ANTXR2: variants seen among roughly 807,000 people sequenced by gnomAD.
ANTXR2 encodes anthrax toxin receptor 2.
Under a neutral mutation model 73.7 loss-of-function variants are expected in ANTXR2, and 44 were observed. That is an observed-to-expected ratio of 0.60 (90% CI 0.47 to 0.77). The LOEUF is 0.77. Among genes scored for constraint, ANTXR2 ranks in the 30% least tolerant of loss-of-function variants. ANTXR2 has a pLI of 0.00. For synonymous variants in ANTXR2, 217 were observed against 205.9 expected (o/e 1.05, Z -0.46); for missense variants, 604 against 592.5 (o/e 1.02, Z -0.20).
At chr4:80,033,608 T>A (rs1732807293) in intron 8 of ANTXR2, 38 bp from the exon 9 acceptor site, 1 of 1,451,578 alleles carries the variant, frequency 6.9e-7, no homozygotes, top group Non-Finnish European at 9.3e-7. Flanking sequence ...TAATCACTGC[T>A]TTACCAAAAA....
chr4:80,037,856 A>G (rs919336961), intron 7 of ANTXR2, among the ~76,000 whole-genome samples: 2 of 152,068 alleles, frequency 1.3e-5, no homozygotes, highest in Non-Finnish European at 2.9e-5. Context: ...CCAATCTGAG[A>G]TAACAGTGAC....
At chr4:79,997,923 G>A (rs1730807010) in intron 12 of ANTXR2, among the ~76,000 whole-genome samples, 1 of 151,788 alleles carries the variant, frequency 6.6e-6, no homozygotes, top group Admixed American at 6.6e-5. Flanking sequence ...ATTTCAAGAA[G>A]GCAACCAAAC....
rs1446668263 is a variant in ANTXR2 at position 79,906,792 on chromosome 4, G to A, written c.*637C>T. On this transcript the variant is annotated 3_prime_UTR_variant, in exon 17 of 17. Transcript: ENST00000403729. ...AAATCTTGCTTGCTACCAATACCTTGAGGCATCTTGTCTACATTTTGTCAT... is the reference window on the plus strand; with the variant it reads ...AAATCTTGCTTGCTACCAATACCTTAAGGCATCTTGTCTACATTTTGTCAT... The A allele has an allele frequency of 6.5e-6, 1 of 152,672 alleles. No individual in the cohort carries two copies. Among genetic ancestry groups the A allele is most frequent in the Non-Finnish European group, 1.5e-5 (1 of 68,110 alleles). The allele number at this position is 152,672 out of a possible 1,614,324, so 9.5% of individuals were successfully genotyped here. A position where few individuals can be genotyped will look rare whatever the true frequency, so the allele number is the denominator to read the frequency against.
rs1726815289 is a variant in ANTXR2, at chr4:79,904,047, A to G, written c.*3382T>C. On this transcript the variant is annotated 3_prime_UTR_variant, in exon 17 of 17. Coordinates refer to ENST00000403729, the MANE Select transcript of ANTXR2 (RefSeq NM_058172.6). Reference sequence around the variant, plus strand: ...TGCCTTCTTAAATTTCAAAAATAACATATATAAGCTGGTCTATCAAAATGT... The same window carrying G: ...TGCCTTCTTAAATTTCAAAAATAACGTATATAAGCTGGTCTATCAAAATGT... 6.6e-6 allele frequency: 1 copy of G among 152,162 alleles called. No homozygotes were observed. The highest frequency in any genetic ancestry group is 2.4e-5 in the African/African-American group (1 of 41,454). 9.4% of individuals were successfully genotyped at this position (152,162 alleles called of 1,614,324 possible). A position where few individuals can be genotyped will look rare whatever the true frequency, so the allele number is the denominator to read the frequency against.
At chr4:79,956,619 G>A (rs1157440558) in intron 16 of ANTXR2, among the ~76,000 whole-genome samples, 1 of 152,040 alleles carries the variant, frequency 6.6e-6, no homozygotes, top group Non-Finnish European at 1.5e-5. Flanking sequence ...GACATAGTAG[G>A]TGCTCAGTGA....
chr4:79,952,044 GA>G (rs1288025828), intron 16 of ANTXR2, among the ~76,000 whole-genome samples: 1 of 151,780 alleles, frequency 6.6e-6, no homozygotes, highest in African/African-American at 2.4e-5. Flanking sequence ...GGGTACTCAG[GA>G]AAAAATGGCT....
chr4:79,919,733 C>A (rs552416714), intron 16 of ANTXR2, among the ~76,000 whole-genome samples: 1 of 151,702 alleles, frequency 6.6e-6, no homozygotes, highest in South Asian at 2.1e-4. Context: ...CTTCTTCGCT[C>A]CTCAGTTTGC....
intron 16 of ANTXR2, among the ~76,000 whole-genome samples, chr4:79,918,011 T>C (rs1283837246): frequency 1.3e-5 from 2 of 151,944 alleles, no homozygotes; most frequent in African/African-American, 2.4e-5. Flanking sequence ...AGATGGAAAC[T>C]ATAAATAAGA....
intron 16 of ANTXR2, among the ~76,000 whole-genome samples, chr4:79,963,306 T>C (rs536392544): frequency 2.6e-5 from 4 of 152,322 alleles, no homozygotes; most frequent in African/African-American, 9.6e-5. Context: ...CCTTTGACGT[T>C]ATCAGGATTC....
chr4:79,910,503 G>A (rs1278582088), intron 16 of ANTXR2, among the ~76,000 whole-genome samples: 12 of 100,878 alleles, frequency 1.2e-4, no homozygotes, highest in African/African-American at 4.1e-4. Flanking sequence ...GCGAGACTCC[G>A]TCTCAAAAAA....
rs1383317601 is a variant in ANTXR2 at position 80,072,459 on chromosome 4, C to T, written c.102G>A (p.Gln34=). ...LSGPGGLLRA[Q]EQPSCRRAFD... ...AGGCTCTTCTGCAGGAGGGCTGCTC[C>T]TGGGCGCGCAGCAGCCCCCCGGGAC... Residue 34 remains glutamine (Q), a synonymous_variant, in exon 1 of 17, where the codon CAG becomes CAA. Coordinates refer to ENST00000403729, the MANE Select transcript of ANTXR2 (RefSeq NM_058172.6). 14 of 1,609,474 alleles carry T rather than the reference C, an allele frequency of 8.7e-6. No homozygotes were observed. In the Middle Eastern group the frequency reaches 8.2e-4, roughly 95 times the overall value.
At chr4:80,015,231 G>C (rs983431692) in intron 11 of ANTXR2, among the ~76,000 whole-genome samples, 1 of 152,060 alleles carries the variant, frequency 6.6e-6, no homozygotes, top group Non-Finnish European at 1.5e-5. Context: ...AAATTCTTCT[G>C]ATCTCCAGAT....
chr4:80,026,980 C>G (rs1732475702), intron 10 of ANTXR2, among the ~76,000 whole-genome samples: 1 of 151,918 alleles, frequency 6.6e-6, no homozygotes, highest in South Asian at 2.1e-4. Flanking sequence ...AAACAGTGCA[C>G]CATGTGAAGG....
chr4:80,041,365 A>G (rs189550311), intron 7 of ANTXR2, among the ~76,000 whole-genome samples: 262 of 152,218 alleles, frequency 1.7e-3, no homozygotes, highest in Non-Finnish European at 3.1e-3. Context: ...ACCAAAAACA[A>G]TCTAAAATCT....
Position 79,906,893 on chromosome 4 carries a change from C to T in ANTXR2, c.*536G>A, listed in dbSNP as rs1036068823. The T allele has an allele frequency of 6.3e-6, 1 of 158,028 alleles. No individual in the cohort carries two copies. Among genetic ancestry groups the T allele is most frequent in the African/African-American group, 2.4e-5 (1 of 41,470 alleles). 9.8% of individuals were successfully genotyped at this position (158,028 alleles called of 1,614,324 possible). ...TCCCATAAGGCACACTGTGATAGAG[C>T]ACTTGGAAGGATTCTGTGATCTGAC... On this transcript the variant is annotated 3_prime_UTR_variant, in exon 17 of 17. Coordinates refer to ENST00000403729, the MANE Select transcript of ANTXR2 (RefSeq NM_058172.6).
chr4:80,011,205 A>G (rs1056035721), intron 11 of ANTXR2, among the ~76,000 whole-genome samples: 4 of 152,116 alleles, frequency 2.6e-5, no homozygotes, highest in South Asian at 2.1e-4. Context: ...AAAGACCTAC[A>G]GACCTAGTAT....
intron 16 of ANTXR2, among the ~76,000 whole-genome samples, chr4:79,932,620 C>CG (rs1728099676): frequency 6.6e-6 from 1 of 151,476 alleles, no homozygotes; most frequent in Non-Finnish European, 1.5e-5. Flanking sequence ...GGTGAAACCC[C>CG]GTCTCTACTA....
intron 2 of ANTXR2, among the ~76,000 whole-genome samples, chr4:80,070,716 A>G (rs917040308): frequency 6.6e-6 from 1 of 152,226 alleles, no homozygotes; most frequent in Non-Finnish European, 1.5e-5. Flanking sequence ...TACTTGCAAC[A>G]TGACTTTCAA....
In ANTXR2 at chr4:80,056,126, G is replaced by C. The variant is rs560674652; in HGVS notation, c.297-113C>G. 1.9e-4 allele frequency: 119 copies of C among 616,266 alleles called. 3 individuals are homozygous for C. The South Asian group carries it at 3.5e-3, about 18-fold the overall frequency. 38.2% of individuals were successfully genotyped at this position (616,266 alleles called of 1,614,324 possible). On this transcript the variant is annotated intron_variant, in intron 3 of 16. Coordinates refer to ENST00000403729, the MANE Select transcript of ANTXR2 (RefSeq NM_058172.6). ...TAAGCTTTCTTCAGTAGGAAGCAGA[G>C]GAAAGAACATGGGCTTTGAAGGCAG... is the stretch of plus-strand genomic sequence containing the variant.
Sources: allele counts gnomAD v4.1 joint callset (sites outside exome capture counted in the v4.1 genomes callset), GRCh38; gene constraint gnomAD v4.1.1; transcripts MANE v1.5; gene names NCBI Gene and HGNC (gene_info 2026-07-23, HGNC 2026-07-21).